Variants in PLPPR4 observed in about 807,000 individuals in gnomAD.
PLPPR4 encodes phospholipid phosphatase related 4.
A neutral mutation model predicts 56.6 loss-of-function variants in PLPPR4; 24 were observed. That is an observed-to-expected ratio of 0.42 (90% CI 0.31 to 0.60). PLPPR4 has a LOEUF of 0.60. Among genes scored for constraint, PLPPR4 ranks in the 20% least tolerant of loss-of-function variants. The pLI, the probability that PLPPR4 is intolerant of heterozygous loss-of-function variation, is 0.13. For missense variants in PLPPR4, 654 were observed against 885.8 expected (o/e 0.74, Z 3.32); for synonymous variants, 326 against 328.1 (o/e 0.99, Z 0.07).
At chr1:99,264,703 G>GGC in intron 1 of PLPPR4, 32 bp downstream of exon 1, 3 of 1,546,012 alleles carry the variant, frequency 1.9e-6, no homozygotes. Context: ...GCATAATGCA[G>GGC]ATCCTCTGGG....
At chr1:99,275,014 C>CT (rs898083648) in intron 1 of PLPPR4, among the ~76,000 whole-genome samples, 9 of 151,106 alleles carry the variant, frequency 6.0e-5, no homozygotes, top group Admixed American at 2.0e-4. Context: ...TCATTGGAAT[C>CT]TTTTTTTTTA....
At chr1:99,290,381 A>G (rs1659585776) in intron 2 of PLPPR4, among the ~76,000 whole-genome samples, 1 of 152,220 alleles carries the variant, frequency 6.6e-6, no homozygotes, top group Admixed American at 6.5e-5. Flanking sequence ...AGCAATTTAT[A>G]TATTCAATGC....
At chr1:99,277,081 A>C (rs1444974053) in intron 1 of PLPPR4, among the ~76,000 whole-genome samples, 2 of 152,150 alleles carry the variant, frequency 1.3e-5, no homozygotes, top group African/African-American at 2.4e-5. Context: ...AACAAGCAAA[A>C]TGCCTTGAGC....
intron 1 of PLPPR4, among the ~76,000 whole-genome samples, chr1:99,276,734 A>G (rs1659194056): frequency 6.6e-6 from 1 of 152,204 alleles, no homozygotes; most frequent in Non-Finnish European, 1.5e-5. Context: ...CCATTCCTAA[A>G]GTACTGATGC....
rs567805874 is a variant in PLPPR4, at chr1:99,305,850, C to T, written c.988C>T (p.Arg330Ter). ...TGCTCATACAGAAGGCATCCTCAAC[C>T]GAAACCACAGAGATGCTAGCTCTCT... is the stretch of plus-strand genomic sequence containing the variant. The part of the protein sequence containing the change: ...GIAHTEGILN[R>*]NHRDASSLTN... The change falls in exon 7 of 7, where the codon CGA (arginine) becomes TGA (stop). Residue 330 changes from arginine to a stop codon, truncating the protein, a stop_gained. Transcript: ENST00000370185. LOFTEE classifies it high-confidence loss of function. 6.2e-7 allele frequency: 1 copy of T among 1,614,046 alleles called. No individual in the cohort carries two copies. The highest frequency in any genetic ancestry group is 8.5e-7 in the Non-Finnish European group (1 of 1,180,002).
At position 99,306,635 on chromosome 1, in the gene PLPPR4, T is replaced by C. The variant is rs1255948546; in HGVS notation, c.1773T>C (p.Thr591=). ...NNRPIIQIPS[T]EGEGSGSWKW... ...GGCCCATCATACAGATCCCGTCCAC[T>C]GAAGGTGAAGGCAGTGGCTCCTGGA... The change falls in exon 7 of 7, where the codon ACT becomes ACC. Residue 591 remains threonine (T), a synonymous_variant. Coordinates refer to ENST00000370185, the MANE Select transcript of PLPPR4 (RefSeq NM_014839.5). The surrounding 1 kb of genome is among the most constrained non-coding windows in gnomAD (Gnocchi z 4.0). 1.2e-6 allele frequency: 2 copies of C among 1,614,074 alleles called. No individual in the cohort carries two copies. The highest frequency in any genetic ancestry group is 2.2e-5 in the East Asian group (1 of 44,848).
chr1:99,307,108 A>G lies in PLPPR4; in HGVS notation c.*98A>G. 7.1e-7 allele frequency: 1 copy of G among 1,406,276 alleles called. No homozygotes were observed. The highest frequency in any genetic ancestry group is 9.6e-7 in the Non-Finnish European group (1 of 1,044,588). 87.1% of individuals were successfully genotyped at this position (1,406,276 alleles called of 1,614,324 possible). On this transcript the variant is annotated 3_prime_UTR_variant, in exon 7 of 7. Coordinates refer to ENST00000370185, the MANE Select transcript of PLPPR4 (RefSeq NM_014839.5). ...GAATTGGGAAGTCTCACCAAGCTAGATTGTCTACCATCAGCCCAGAACTCT... is the reference window on the plus strand; with the variant it reads ...GAATTGGGAAGTCTCACCAAGCTAGGTTGTCTACCATCAGCCCAGAACTCT...
At chr1:99,292,185 T>C (rs1231509143) in intron 2 of PLPPR4, among the ~76,000 whole-genome samples, 1 of 152,180 alleles carries the variant, frequency 6.6e-6, no homozygotes, top group Non-Finnish European at 1.5e-5. Context: ...CAGGGTATTT[T>C]ATCAAGTTGC....
chr1:99,293,305 G>T (rs999894920), intron 2 of PLPPR4, among the ~76,000 whole-genome samples: 1 of 152,004 alleles, frequency 6.6e-6, no homozygotes, highest in South Asian at 2.1e-4. Context: ...TTGTCTTTGT[G>T]ATGTTATACA....
chr1:99,307,691 A>T lies in PLPPR4; in HGVS notation c.*681A>T, dbSNP rs905121580. 6.6e-6 allele frequency: 1 copy of T among 152,270 alleles called. No individual in the cohort carries two copies. Among genetic ancestry groups the T allele is most frequent in the African/African-American group, 2.4e-5 (1 of 41,550 alleles). 9.4% of individuals were successfully genotyped at this position (152,270 alleles called of 1,614,324 possible). ...AAATTCTGCTTTCTTCAACATCAAAAATTGTGTAGAAATATTTTCAGTGAA... is the reference window on the plus strand; with the variant it reads ...AAATTCTGCTTTCTTCAACATCAAATATTGTGTAGAAATATTTTCAGTGAA... On this transcript the variant is annotated 3_prime_UTR_variant, in exon 7 of 7. Coordinates refer to ENST00000370185, the MANE Select transcript of PLPPR4 (RefSeq NM_014839.5).
Position 99,269,997 on chromosome 1 carries a change from T to TTGTGTGTG in PLPPR4, c.78+5367_78+5374dup, listed in dbSNP as rs10612152. On this transcript the variant is annotated intron_variant, in intron 1 of 6. Coordinates refer to ENST00000370185, the MANE Select transcript of PLPPR4 (RefSeq NM_014839.5). Reference sequence around the variant, plus strand: ...ATTACTCAGAAAGTTTTCATTCCTTTTGTGTGTGTGTGTGTGTGTGTGTGT... The same window carrying TTGTGTGTG: ...ATTACTCAGAAAGTTTTCATTCCTTTTGTGTGTGTGTGTGTGTGTGTGTGTGTGTGTGT... Among the ~76,000 whole-genome samples the TTGTGTGTG allele has an allele frequency of 6.4e-3, 856 of 134,548 alleles. 7 individuals carry two copies. Among genetic ancestry groups the TTGTGTGTG allele is most frequent in the African/African-American group, 0.013 (469 of 35,338 alleles). The allele number at this position is 134,548 out of a possible 152,430, so 88.3% of individuals were successfully genotyped here. A position where few individuals can be genotyped will look rare whatever the true frequency, so the allele number is the denominator to read the frequency against.
intron 1 of PLPPR4, among the ~76,000 whole-genome samples, chr1:99,277,868 G>A (rs1331266447): frequency 1.3e-5 from 2 of 151,832 alleles, no homozygotes; most frequent in Non-Finnish European, 2.9e-5. Flanking sequence ...TTTGAAGATC[G>A]CTCATGTAGA....
At chr1:99,277,278 G>A (rs1156834952) in intron 1 of PLPPR4, among the ~76,000 whole-genome samples, 1 of 152,112 alleles carries the variant, frequency 6.6e-6, no homozygotes, top group Admixed American at 6.6e-5. Context: ...GATCCTACTT[G>A]TTTATTTTTG....
intron 2 of PLPPR4, among the ~76,000 whole-genome samples, chr1:99,290,474 C>A (rs1388898290): frequency 6.6e-6 from 1 of 151,634 alleles, no homozygotes. Flanking sequence ...AAAAAGACCC[C>A]AAAGAGCCAA....
chr1:99,301,000 T>G, intron 5 of PLPPR4, 34 bp downstream of exon 5: 2 of 1,581,998 alleles, frequency 1.3e-6, no homozygotes, highest in Non-Finnish European at 8.7e-7. Flanking sequence ...TAAGTTGTGT[T>G]CTACAGAAAA....
intron 2 of PLPPR4, 56 bp downstream of exon 2, chr1:99,288,206 C>A: frequency 6.7e-7 from 1 of 1,493,832 alleles, no homozygotes; most frequent in Non-Finnish European, 9.2e-7. Context: ...AAAATCACCA[C>A]ATTTGTATAA....
intron 2 of PLPPR4, among the ~76,000 whole-genome samples, chr1:99,291,182 T>TA (rs1659611312): frequency 6.6e-6 from 1 of 151,032 alleles, no homozygotes; most frequent in Non-Finnish European, 1.5e-5. Context: ...TAGCATATGA[T>TA]AAAAAAGCTC....
chr1:99,283,966 CA>C (rs1659401563), intron 1 of PLPPR4, among the ~76,000 whole-genome samples: 1 of 151,876 alleles, frequency 6.6e-6, no homozygotes, highest in Non-Finnish European at 1.5e-5. Flanking sequence ...AACAAAAAAA[CA>C]AAACAAAAAA....
At chr1:99,297,494 T>C (rs975725377) in intron 3 of PLPPR4, among the ~76,000 whole-genome samples, 1 of 151,988 alleles carries the variant, frequency 6.6e-6, no homozygotes, top group African/African-American at 2.4e-5. Flanking sequence ...CAGTCATAGG[T>C]CTTTTATTTT....
Sources: gnomAD v4.1 joint callset for allele counts (sites outside exome capture counted in the v4.1 genomes callset) on GRCh38, gnomAD v4.1.1 for gene constraint, Gnocchi (gnomAD v3.1) non-coding constraint, MANE v1.5 for transcripts, NCBI Gene and HGNC (gene_info 2026-07-23, HGNC 2026-07-21) for gene names.